FAP: variants seen among roughly 807,000 people sequenced by gnomAD.
FAP encodes the protein fibroblast activation protein alpha.
Under a neutral mutation model 126.5 loss-of-function variants are expected in FAP, and 110 were observed. The observed-to-expected ratio is 0.87, with a 90% CI of 0.74 to 1.02. The LOEUF (loss-of-function observed/expected upper bound fraction) is 1.02. Among genes scored for constraint, FAP ranks in the 50% least tolerant of loss-of-function variants. The pLI, the probability that FAP is intolerant of heterozygous loss-of-function variation, is 0.00. For synonymous variants in FAP, 334 were observed against 297.3 expected (o/e 1.12, Z -1.27); for missense variants, 919 against 909.2 (o/e 1.01, Z -0.14).
chr2:162,196,405 G>T (rs1688252501), intron 16 of FAP, among the ~76,000 whole-genome samples: 1 of 151,862 alleles, frequency 6.6e-6, no homozygotes, highest in Admixed American at 6.6e-5. Flanking sequence ...TACATTTTCA[G>T]CCAGCATGCA....
At chr2:162,219,260 A>T (rs1689285812) in intron 7 of FAP, 77 bp from the exon 8 acceptor site, 1 of 1,337,058 alleles carries the variant, frequency 7.5e-7, no homozygotes, top group Admixed American at 2.3e-5. Flanking sequence ...TTCCTCTAAT[A>T]CCTTTAAACA....
intron 17 of FAP, chr2:162,194,242 T>A (rs1328696005): frequency 6.6e-6 from 1 of 151,734 alleles, no homozygotes; most frequent in African/African-American, 2.5e-5. Flanking sequence ...AGAAGTTACA[T>A]GTAGAATTTG....
At chr2:162,227,997 T>C (rs1411400662) in intron 2 of FAP, among the ~76,000 whole-genome samples, 1 of 152,172 alleles carries the variant, frequency 6.6e-6, no homozygotes, top group African/African-American at 2.4e-5. Context: ...GTGTGTATAT[T>C]TGAGTGATTA....
chr2:162,177,435 C>G (rs1028212175), intron 21 of FAP, among the ~76,000 whole-genome samples: 1 of 152,042 alleles, frequency 6.6e-6, no homozygotes, highest in Admixed American at 6.6e-5. Flanking sequence ...CTTTCTCTTC[C>G]CCTTGCTCAC....
intron 17 of FAP, among the ~76,000 whole-genome samples, chr2:162,190,037 G>T (rs1271659367): frequency 6.6e-6 from 1 of 151,830 alleles, no homozygotes; most frequent in East Asian, 1.9e-4. Flanking sequence ...ATTCAATCAC[G>T]TTTTCCCATC....
intron 21 of FAP, among the ~76,000 whole-genome samples, chr2:162,181,201 T>C (rs893244844): frequency 2.6e-5 from 4 of 151,494 alleles, no homozygotes; most frequent in Admixed American, 2.0e-4. Flanking sequence ...CGCTTGAACC[T>C]GGGAGGCAGA....
intron 17 of FAP, among the ~76,000 whole-genome samples, chr2:162,191,487 C>A (rs188135306): frequency 3.9e-5 from 6 of 152,148 alleles, no homozygotes; most frequent in Non-Finnish European, 7.4e-5. Context: ...ACAGGTCAGA[C>A]CACACATTTT....
At chr2:162,219,964 TG>T in intron 6 of FAP, 39 bp from the exon 7 acceptor site, 1 of 1,361,758 alleles carries the variant, frequency 7.3e-7, no homozygotes, top group African/African-American at 1.4e-5. Flanking sequence ...CAAACCTTGC[TG>T]TTTAATGCAA....
At position 162,223,641 on chromosome 2, in the gene FAP, G is replaced by A. The variant is rs1346427991; in HGVS notation, c.380C>T (p.Thr127Ile). Residue 127 changes from threonine (T) to isoleucine (I), a missense_variant, in exon 6 of 26, where the codon ACA becomes ATA. Thr to Ile is a moderately conservative substitution (Grantham distance 89, BLOSUM62 -1). Coordinates refer to ENST00000188790, the MANE Select transcript of FAP (RefSeq NM_004460.5). ...DYSKLWRYSY[T>I]ATYYIYDLSN... is the part of the protein sequence containing the mutation. Reference sequence around the variant, plus strand: ...AAGGTCATAGATGTAATATGTTGCTGTGTAAGAGTATCTCCAAAGCTGTCA... The same window carrying A: ...AAGGTCATAGATGTAATATGTTGCTATGTAAGAGTATCTCCAAAGCTGTCA... 6.2e-7 allele frequency: 1 copy of A among 1,609,814 alleles called. No individual in the cohort carries two copies.
At chr2:162,216,538 C>T (rs1039660787) in intron 9 of FAP, among the ~76,000 whole-genome samples, 5 of 152,174 alleles carry the variant, frequency 3.3e-5, no homozygotes, top group South Asian at 2.1e-4. Flanking sequence ...GGAAATTTCA[C>T]CTCCAAATGA....
chr2:162,198,116 C>G (rs577502695), intron 16 of FAP: 3 of 1,188,260 alleles, frequency 2.5e-6, no homozygotes, highest in Non-Finnish European at 3.3e-6. Flanking sequence ...ATGTCCTAAA[C>G]AACCAGGAAA....
chr2:162,203,156 T>C lies in FAP; in HGVS notation c.1048-11A>G, dbSNP rs1263880426. 1.3e-6 allele frequency: 2 copies of C among 1,568,286 alleles called. No individual in the cohort carries two copies. The highest frequency in any genetic ancestry group is 8.8e-7 in the Non-Finnish European group (1 of 1,142,508). On this transcript the variant is annotated splice_polypyrimidine_tract_variant and intron_variant, in intron 12 of 25. Coordinates refer to ENST00000188790, the MANE Select transcript of FAP (RefSeq NM_004460.5). Reference sequence around the variant, plus strand: ...TGTTGAAACAAAGAACTGAAAAAAATTAGCAGAGGTTATGTTCAAAAGACA... The same window carrying C: ...TGTTGAAACAAAGAACTGAAAAAAACTAGCAGAGGTTATGTTCAAAAGACA...
chr2:162,217,969 G>A lies in FAP; in HGVS notation c.762+17C>T. On this transcript the variant is annotated intron_variant, in intron 9 of 25. Coordinates refer to ENST00000188790, the MANE Select transcript of FAP (RefSeq NM_004460.5). ...ATACCAGGAAAATGAAAGCATCGCT[G>A]AAAGTATTCAACATACCTTTGGGTA... The A allele has an allele frequency of 1.3e-6, 2 of 1,538,732 alleles. No individual in the cohort carries two copies. Among genetic ancestry groups the A allele is most frequent in the Non-Finnish European group, 1.8e-6 (2 of 1,140,436 alleles).
At chr2:162,228,163 G>C (rs1447836552) in intron 2 of FAP, among the ~76,000 whole-genome samples, 1 of 152,124 alleles carries the variant, frequency 6.6e-6, no homozygotes, top group East Asian at 1.9e-4. Context: ...TGAAATGAAG[G>C]CTGGCTGGAT....
chr2:162,219,894 G>C lies in FAP; in HGVS notation c.445C>G (p.Pro149Ala). The C allele has an allele frequency of 1.2e-6, 2 of 1,612,640 alleles. No homozygotes were observed. The highest frequency in any genetic ancestry group is 1.7e-6 in the Non-Finnish European group (2 of 1,178,928). ...GGCGACCAGCATAAATACTGAATTG[G>C]ACGAGGAAGCTCATTTCCTCTTACA... ...EFVRGNELPRPIQYLCWSPVG... is the reference protein window; with the variant it reads ...EFVRGNELPRAIQYLCWSPVG... Residue 149 changes from proline (P) to alanine (A), a missense_variant, in exon 7 of 26, where the codon CCA (proline) becomes GCA (alanine). Physicochemically the swap from Pro to Ala is conservative, Grantham distance 27. Coordinates refer to ENST00000188790, the MANE Select transcript of FAP (RefSeq NM_004460.5).
chr2:162,196,863 G>A (rs1688274195), intron 16 of FAP, among the ~76,000 whole-genome samples: 1 of 152,082 alleles, frequency 6.6e-6, no homozygotes, highest in African/African-American at 2.4e-5. Flanking sequence ...TATATTTTTT[G>A]CTAAATGGGA....
intron 12 of FAP, among the ~76,000 whole-genome samples, chr2:162,206,878 C>T (rs903268330): frequency 6.6e-6 from 1 of 152,180 alleles, no homozygotes; most frequent in Admixed American, 6.6e-5. Context: ...TCTGTGCCTG[C>T]AACTAACAGA....
Position 162,214,025 on chromosome 2 carries a change from A to G in FAP, c.915T>C (p.Cys305=). Residue 305 remains cysteine (C), a synonymous_variant, in exon 11 of 26, where the codon TGT becomes TGC. Coordinates refer to ENST00000188790, the MANE Select transcript of FAP (RefSeq NM_004460.5). ...WLTWVTDERV[C]LQWLKRVQNV... ...TCTGGACTCTTTTTAGCCACTGCAAACATACTCGTTCATCAGTAACCCACG... is the reference window on the plus strand; with the variant it reads ...TCTGGACTCTTTTTAGCCACTGCAAGCATACTCGTTCATCAGTAACCCACG... The G allele has an allele frequency of 6.2e-7, 1 of 1,614,152 alleles. No homozygotes were observed. The highest frequency in any genetic ancestry group is 8.5e-7 in the Non-Finnish European group (1 of 1,179,996).
chr2:162,226,703 C>T (rs1307954143), intron 2 of FAP, 82 bp from the exon 3 acceptor site: 2 of 736,970 alleles, frequency 2.7e-6, no homozygotes, highest in Admixed American at 5.2e-5. Flanking sequence ...TTCATCTGTT[C>T]TTTCTTATAT....
Sources: allele counts gnomAD v4.1 joint callset (sites outside exome capture counted in the v4.1 genomes callset), GRCh38; gene constraint gnomAD v4.1.1; transcripts MANE v1.5; gene names NCBI Gene and HGNC (gene_info 2026-07-23, HGNC 2026-07-21).